The following MYO16 variants were observed in gnomAD, a reference collection of about 807,000 sequenced individuals.
The protein encoded by MYO16 is myosin XVI, also known as unconventional myosin-XVI.
MYO16 carries 94 observed loss-of-function variants against 205.3 expected under a neutral mutation model. The observed-to-expected ratio is 0.46, with a 90% CI of 0.39 to 0.54. MYO16 has a LOEUF of 0.54. Ranked by LOEUF, MYO16 falls within the 20% of genes least tolerant of loss-of-function variation. MYO16 has a pLI of 0.00. For missense variants in MYO16, 2,315 were observed against 2,387.5 expected, an observed-to-expected ratio of 0.97 and a Z score of 0.63; for synonymous variants, 988 against 954.0, an observed-to-expected ratio of 1.04 and a Z score of -0.66.
At chr13:108,502,183 A>T in the MYO16 span, among the ~76,000 whole-genome samples, 1 of 152,208 alleles carries the variant, frequency 6.6e-6, no homozygotes, top group Non-Finnish European at 1.5e-5. Flanking sequence ...ACTACATTCC[A>T]GCCTGGGTGA....
In MYO16 at chr13:109,104,114, T is replaced by C. The variant is rs567791691; in HGVS notation, c.3438+3227T>C. On this transcript the variant is annotated intron_variant, in intron 28 of 34. Transcript: ENST00000457511. ...ATCAAAATACTAGGTGCAGTTAATATTCAGTTTCAGTGGGAGTGCCACTTT... is the reference window on the plus strand; with the variant it reads ...ATCAAAATACTAGGTGCAGTTAATACTCAGTTTCAGTGGGAGTGCCACTTT... 8.5e-4 allele frequency among the ~76,000 whole-genome samples: 130 copies of C among 152,282 alleles called. 1 individual carries two copies. Among genetic ancestry groups the C allele is most frequent in the African/African-American group, 2.9e-3 (121 of 41,552 alleles).
At chr13:109,059,420 T>A (rs1048990440) in intron 27 of MYO16, among the ~76,000 whole-genome samples, 2 of 152,180 alleles carry the variant, frequency 1.3e-5, no homozygotes, top group African/African-American at 4.8e-5. Context: ...GGTGACCAGG[T>A]GCATTGTCAA....
At chr13:108,658,133 A>T (rs563044754) in intron 1 of MYO16, among the ~76,000 whole-genome samples, 21 of 152,284 alleles carry the variant, frequency 1.4e-4, no homozygotes, top group South Asian at 4.1e-4. Flanking sequence ...GTACGAAAGA[A>T]CTGGATGAAA....
At chr13:108,712,570 C>A in intron 2 of MYO16, 91 bp from the exon 3 acceptor site, 1 of 1,108,978 alleles carries the variant, frequency 9.0e-7, no homozygotes, top group Non-Finnish European at 1.4e-6. Flanking sequence ...CAGCTGTTTG[C>A]ATTTTAGATA....
intron 32 of MYO16, among the ~76,000 whole-genome samples, chr13:109,161,739 A>T (rs968830072): frequency 1.3e-5 from 2 of 152,224 alleles, no homozygotes; most frequent in African/African-American, 4.8e-5. Context: ...ATTAAGATTT[A>T]AAAAACTAAA....
intron 2 of MYO16, among the ~76,000 whole-genome samples, chr13:108,700,207 C>A (rs897085775): frequency 1.3e-5 from 2 of 151,924 alleles, no homozygotes; most frequent in African/African-American, 4.8e-5. Flanking sequence ...GTGGCAGACT[C>A]CTGTAATCCC....
At chr13:108,574,690 TGTGTGTGTGTGTGTGTGTGC>T in the MYO16 span, among the ~76,000 whole-genome samples, 7 of 138,668 alleles carry the variant, frequency 5.0e-5, no homozygotes, top group South Asian at 2.3e-4. Context: ...TGTGTGTGTG[TGTGTGTGTGTGTGTGTGTGC>T]GCTTGTGTGT....
chr13:108,819,748 A>G (rs1246575889), intron 7 of MYO16, among the ~76,000 whole-genome samples: 3 of 152,154 alleles, frequency 2.0e-5, no homozygotes, highest in South Asian at 4.1e-4. Flanking sequence ...TAATGGTCCA[A>G]TGTGACTTTA....
chr13:109,108,526 A>G (rs1889189770), intron 28 of MYO16, among the ~76,000 whole-genome samples: 1 of 152,242 alleles, frequency 6.6e-6, no homozygotes, highest in Non-Finnish European at 1.5e-5. Flanking sequence ...CTCTACTTCA[A>G]GTTTATTGAT....
chr13:108,618,475 C>G lies in MYO16; in HGVS notation c.-39+22236C>G, dbSNP rs77331099. 3.7e-3 allele frequency among the ~76,000 whole-genome samples: 565 copies of G among 152,306 alleles called. 1 individual carries two copies. The highest frequency in any genetic ancestry group is 0.012 in the African/African-American group (515 of 41,566). ...CTAGAGTTGAGCCTGTAGAGACAGA[C>G]AGGAGCACCTCACAGAGGACATTGT... On this transcript the variant is annotated intron_variant, in intron 1 of 24. Coordinates refer to the MYO16 transcript ENST00000251041.
intron 20 of MYO16, among the ~76,000 whole-genome samples, chr13:108,991,630 G>A (rs277806): frequency 6.8e-5 from 10 of 147,786 alleles, no homozygotes; most frequent in African/African-American, 2.7e-4. Flanking sequence ...CATAGCATGA[G>A]AAGACACAAG....
At chr13:108,573,003 C>T in the MYO16 span, among the ~76,000 whole-genome samples, 1 of 152,180 alleles carries the variant, frequency 6.6e-6, no homozygotes, top group African/African-American at 2.4e-5. Flanking sequence ...GAGGTAATAT[C>T]TGGAGCCACT....
chr13:108,807,922 A>G (rs1224552863), intron 7 of MYO16, among the ~76,000 whole-genome samples: 1 of 152,254 alleles, frequency 6.6e-6, no homozygotes, highest in Non-Finnish European at 1.5e-5. Context: ...CCTGAAAAGC[A>G]GGGAAATGAG....
At chr13:108,580,592 C>G in the MYO16 span, among the ~76,000 whole-genome samples, 3 of 152,204 alleles carry the variant, frequency 2.0e-5, no homozygotes, top group Non-Finnish European at 4.4e-5. Context: ...TCTTTGTGCA[C>G]TCAGTTTATC....
chr13:109,147,479 A>G (rs1019367431), intron 32 of MYO16, among the ~76,000 whole-genome samples: 6 of 152,180 alleles, frequency 3.9e-5, no homozygotes, highest in Admixed American at 2.0e-4. Context: ...TTATTCTCTG[A>G]CACATCGAAA....
At chr13:108,736,293 C>A (rs1396138167) in intron 4 of MYO16, among the ~76,000 whole-genome samples, 1 of 152,188 alleles carries the variant, frequency 6.6e-6, no homozygotes. Flanking sequence ...ACATTGAAGT[C>A]TTTAATCCAT....
intron 16 of MYO16, among the ~76,000 whole-genome samples, chr13:108,922,289 A>T (rs1371655505): frequency 1.3e-5 from 2 of 151,154 alleles, no homozygotes; most frequent in Non-Finnish European, 2.9e-5. Flanking sequence ...GAGCCCTGGG[A>T]GGCCTGTTGG....
intron 2 of MYO16, among the ~76,000 whole-genome samples, chr13:108,696,052 A>C (rs938055180): frequency 3.9e-5 from 6 of 152,256 alleles, no homozygotes; most frequent in Admixed American, 3.9e-4. Flanking sequence ...TTAAAAAATA[A>C]GTATGGTTTC....
At chr13:109,045,221 A>G (rs1887002555) in intron 23 of MYO16, among the ~76,000 whole-genome samples, 1 of 152,160 alleles carries the variant, frequency 6.6e-6, no homozygotes, top group Non-Finnish European at 1.5e-5. Flanking sequence ...CCTCAGCACT[A>G]TGAACATTTA....
Sources: gnomAD v4.1 joint callset for allele counts (sites outside exome capture counted in the v4.1 genomes callset) on GRCh38, gnomAD v4.1.1 for gene constraint, MANE v1.5 for transcripts, NCBI Gene and HGNC (gene_info 2026-07-23, HGNC 2026-07-21) for gene names.